The following CENPP variants were observed in gnomAD, a reference collection of about 807,000 sequenced individuals.
The protein encoded by CENPP is centromere protein P.
A neutral mutation model predicts 35.6 loss-of-function variants in CENPP; 24 were observed. The ratio of observed to expected loss-of-function variants is 0.67; its 90% CI spans 0.49 to 0.95. The LOEUF (loss-of-function observed/expected upper bound fraction) is 0.95, where lower values mean the gene tolerates loss of function less well. Ranked by LOEUF, CENPP falls within the 40% of genes least tolerant of loss-of-function variation. The pLI is 0.00. For missense variants in CENPP, 332 were observed against 345.3 expected (o/e 0.96, Z 0.31); for synonymous variants, 120 against 125.5 (o/e 0.96, Z 0.29).
chr9:92,459,825 G>A (rs1432064650), intron 5 of CENPP: 7 of 1,555,090 alleles, frequency 4.5e-6, no homozygotes, highest in Non-Finnish European at 6.1e-6. Context: ...GTGTGATAGA[G>A]TTAGCTGAAA....
intron 4 of CENPP, among the ~76,000 whole-genome samples, chr9:92,358,200 A>T (rs1588056835): frequency 6.9e-6 from 1 of 145,956 alleles, no homozygotes. Flanking sequence ...AGAAGTTGGT[A>T]GTTTGTTCTC....
chr9:92,588,548 C>T (rs573977231), intron 5 of CENPP, among the ~76,000 whole-genome samples: 97 of 151,994 alleles, frequency 6.4e-4, no homozygotes, highest in Non-Finnish European at 1.0e-4. Context: ...CCACTGTGCC[C>T]GGCCAGCTGT....
intron 5 of CENPP, among the ~76,000 whole-genome samples, chr9:92,450,830 A>G (rs1232589179): frequency 6.6e-6 from 1 of 151,934 alleles, no homozygotes; most frequent in Admixed American, 6.5e-5. Context: ...TTTGATTTGC[A>G]TTTCTCTGAT....
At chr9:92,337,381 A>G (rs953633754) in intron 2 of CENPP, among the ~76,000 whole-genome samples, 160 bp from the exon 3 acceptor site, 1 of 152,222 alleles carries the variant, frequency 6.6e-6, no homozygotes, top group Admixed American at 6.5e-5. Flanking sequence ...AAAGATAATC[A>G]ATTTGGTTTA....
chr9:92,599,865 C>T (rs1850868573), intron 5 of CENPP, among the ~76,000 whole-genome samples: 1 of 152,240 alleles, frequency 6.6e-6, no homozygotes, highest in Admixed American at 6.5e-5. Context: ...GCTGTGGCCT[C>T]CTCCAGCCTC....
intron 5 of CENPP, among the ~76,000 whole-genome samples, chr9:92,511,170 G>C (rs1847313317): frequency 6.6e-6 from 1 of 152,134 alleles, no homozygotes; most frequent in Admixed American, 6.5e-5. Context: ...CTGTCGCCCA[G>C]GCTGGAGTGC....
intron 5 of CENPP, among the ~76,000 whole-genome samples, chr9:92,419,299 C>CTTTTTTT (rs34582930): frequency 8.5e-6 from 1 of 117,098 alleles, no homozygotes; most frequent in East Asian, 2.3e-4. Flanking sequence ...TGCCTTGTGT[C>CTTTTTTT]TTTTTTTTTT....
intron 5 of CENPP, chr9:92,522,801 A>C: frequency 6.2e-7 from 1 of 1,613,032 alleles, no homozygotes; most frequent in Non-Finnish European, 8.5e-7. Context: ...GAATTTCTTC[A>C]TTTTTTCCAA....
In CENPP at chr9:92,619,538, C is replaced by T; in HGVS notation, c.*6389C>T. On this transcript the variant is annotated 3_prime_UTR_variant, in exon 8 of 8. Coordinates refer to ENST00000375587, the MANE Select transcript of CENPP (RefSeq NM_001012267.3). ...GCAATCATGATGGAGCAGTCCTTGG[C>T]AGTCATGGCGACGCGGTACTGCTGC... The T allele has an allele frequency of 6.3e-7, 1 of 1,591,378 alleles. No homozygotes were observed. Among genetic ancestry groups the T allele is most frequent in the East Asian group, 2.3e-5 (1 of 44,214 alleles).
intron 5 of CENPP, among the ~76,000 whole-genome samples, chr9:92,545,423 CCCAGCAGTG>C (rs1453944843): frequency 1.1e-4 from 16 of 152,170 alleles, no homozygotes; most frequent in African/African-American, 3.9e-4. Flanking sequence ...CGTCGGGTAC[CCCAGCAGTG>C]CCGGCCCACC....
At position 92,486,782 on chromosome 9, in the gene CENPP, A is replaced by ATT. The variant is rs5899162; in HGVS notation, c.564+106939_564+106940dup. The stretch of plus-strand genomic sequence containing the variant: ...TGTTTATTATATTTTGCATGTGTCA[A>ATT]TTTTTTTTTTTTTTTTTGAGACGGA... On this transcript the variant is annotated intron_variant, in intron 5 of 7. Coordinates refer to ENST00000375587, the MANE Select transcript of CENPP (RefSeq NM_001012267.3). 1.2e-3 allele frequency among the ~76,000 whole-genome samples: 163 copies of ATT among 138,722 alleles called. 1 individual carries two copies. Among genetic ancestry groups the ATT allele is most frequent in the African/African-American group, 3.5e-3 (124 of 35,732 alleles). The allele number at this position is 138,722 out of a possible 152,430, so 91.0% of individuals were successfully genotyped here. A position where few individuals can be genotyped will look rare whatever the true frequency, so the allele number is the denominator to read the frequency against.
chr9:92,454,997 G>A (rs146750590), intron 5 of CENPP, among the ~76,000 whole-genome samples: 59 of 152,276 alleles, frequency 3.9e-4, no homozygotes, highest in African/African-American at 1.4e-3. Context: ...TAACTTTCCT[G>A]TAAAGCCGTT....
At chr9:92,568,784 G>A (rs981917781) in intron 5 of CENPP, among the ~76,000 whole-genome samples, 1 of 152,120 alleles carries the variant, frequency 6.6e-6, no homozygotes, top group African/African-American at 2.4e-5. Flanking sequence ...ATTCTAACTG[G>A]TGTGAGATGG....
chr9:92,615,762 CAACAGAA>C lies in CENPP; in HGVS notation c.*2616_*2622del. ...ATTCACAACCAAAGGTCACCCAACA[CAACAGAA>C]AATATCTCTATCATTCAGCCTTCAC... On this transcript the variant is annotated 3_prime_UTR_variant, in exon 8 of 8. Coordinates refer to ENST00000375587, the MANE Select transcript of CENPP (RefSeq NM_001012267.3). 1 of 1,315,768 alleles carries C rather than the reference CAACAGAA, an allele frequency of 7.6e-7. No homozygotes were observed. Among genetic ancestry groups the C allele is most frequent in the Non-Finnish European group, 1.1e-6 (1 of 920,640 alleles). The allele number at this position is 1,315,768 out of a possible 1,614,324, so 81.5% of individuals were successfully genotyped here. A position where few individuals can be genotyped will look rare whatever the true frequency, so the allele number is the denominator to read the frequency against.
chr9:92,492,524 A>C (rs1426946251), intron 5 of CENPP, among the ~76,000 whole-genome samples: 2 of 152,222 alleles, frequency 1.3e-5, no homozygotes, highest in Non-Finnish European at 2.9e-5. Flanking sequence ...TGACTTAATG[A>C]GAATGGCTTC....
chr9:92,420,036 G>A (rs1334638065), intron 5 of CENPP, among the ~76,000 whole-genome samples: 1 of 152,162 alleles, frequency 6.6e-6, no homozygotes, highest in Admixed American at 6.5e-5. Flanking sequence ...TATTCAGGTA[G>A]AGTCAGAGAC....
chr9:92,386,772 C>T (rs1165478693), intron 5 of CENPP, among the ~76,000 whole-genome samples: 2 of 152,096 alleles, frequency 1.3e-5, no homozygotes, highest in Admixed American at 6.5e-5. Context: ...TTAGTAGAGA[C>T]GAGGTTTCAC....
At chr9:92,580,738 C>T (rs1850402612) in intron 5 of CENPP, among the ~76,000 whole-genome samples, 1 of 152,236 alleles carries the variant, frequency 6.6e-6, no homozygotes, top group South Asian at 2.1e-4. Context: ...TTTTGTTGAT[C>T]TTTTCAAAAA....
chr9:92,339,649 TA>T (rs1841046997), intron 3 of CENPP: 1 of 153,006 alleles, frequency 6.5e-6, no homozygotes, highest in Non-Finnish European at 1.5e-5. Context: ...GCATGGGTGG[TA>T]AGTGGCTCTA....
Sources: allele counts gnomAD v4.1 joint callset (sites outside exome capture counted in the v4.1 genomes callset), GRCh38; gene constraint gnomAD v4.1.1; transcripts MANE v1.5; gene names NCBI Gene and HGNC (gene_info 2026-07-23, HGNC 2026-07-21).